CCNH: variants seen among roughly 807,000 people sequenced by gnomAD.
CCNH encodes cyclin H.
CCNH carries 31 observed loss-of-function variants against 41.9 expected under a neutral mutation model. That is an observed-to-expected ratio of 0.74 (90% CI 0.56 to 1.00). CCNH has a LOEUF of 1.00. CCNH is among the 50% of genes least tolerant of loss of function. CCNH has a pLI of 0.00. For missense variants in CCNH, 362 were observed against 388.4 expected (o/e 0.93, Z 0.57); for synonymous variants, 138 against 136.1 (o/e 1.01, Z -0.10).
At chr5:87,317,977 T>C (rs1010435180), downstream of CCNH, among the ~76,000 whole-genome samples, 2 of 152,166 alleles carry the variant, frequency 1.3e-5, no homozygotes, top group Middle Eastern at 3.2e-3. Context: ...CCATTTTTTT[T>C]AGAGCTTTGC....
At chr5:87,405,660 A>G (rs1763735665) in intron 4 of CCNH, among the ~76,000 whole-genome samples, 1 of 151,860 alleles carries the variant, frequency 6.6e-6, no homozygotes, top group Non-Finnish European at 1.5e-5. Context: ...TCTGACCACA[A>G]TGCCTCCCTT....
chr5:87,336,222 T>C (rs143499071), intron 9 of CCNH, among the ~76,000 whole-genome samples: 1,777 of 152,298 alleles, frequency 0.012, 20 homozygotes, highest in Non-Finnish European at 0.014. Flanking sequence ...TTTCATATTT[T>C]TAATGAGCTA....
chr5:87,350,534 CTT>C (rs1208555208), intron 9 of CCNH, among the ~76,000 whole-genome samples: 1 of 151,568 alleles, frequency 6.6e-6, no homozygotes, highest in African/African-American at 2.4e-5. Flanking sequence ...TTGTTACTAA[CTT>C]AAACTTCCTT....
intron 8 of CCNH, 119 bp downstream of exon 8, chr5:87,394,925 A>G: frequency 1.9e-6 from 3 of 1,546,888 alleles, no homozygotes; most frequent in Non-Finnish European, 1.7e-6. Flanking sequence ...GTATGCAAAA[A>G]ATGAAAAAAC....
At chr5:87,393,141 C>A (rs191306875), downstream of CCNH, among the ~76,000 whole-genome samples, 875 of 151,432 alleles carry the variant, frequency 5.8e-3, 7 homozygotes, top group South Asian at 7.5e-3. Flanking sequence ...GATGAATATG[C>A]ATATAGTAAG....
intron 9 of CCNH, among the ~76,000 whole-genome samples, chr5:87,364,068 A>G (rs1347599193): frequency 2.6e-5 from 4 of 152,114 alleles, no homozygotes; most frequent in Non-Finnish European, 4.4e-5. Flanking sequence ...CTCAAGAACA[A>G]TGGCCTTTAC....
In CCNH at chr5:87,341,271, C is replaced by T. The variant is rs770592409; in HGVS notation, c.*91-22374G>A. 15 of 1,302,328 alleles carry T rather than the reference C, an allele frequency of 1.2e-5. No individual in the cohort carries two copies. Among genetic ancestry groups the T allele is most frequent in the Admixed American group, 3.7e-5 (1 of 27,192 alleles). The allele number at this position is 1,302,328 out of a possible 1,614,324, so 80.7% of individuals were successfully genotyped here. A position where few individuals can be genotyped will look rare whatever the true frequency, so the allele number is the denominator to read the frequency against. On this transcript the variant is annotated intron_variant and NMD_transcript_variant, in intron 9 of 9. Coordinates refer to the CCNH transcript ENST00000645953. ...AATAGTTAATTATATAAAATACTGT[C>T]TTAATGTCTTCCCTTTAGGGCCGGG... is the stretch of plus-strand genomic sequence containing the variant.
chr5:87,401,298 G>A (rs1213219681), intron 6 of CCNH, among the ~76,000 whole-genome samples: 1 of 152,162 alleles, frequency 6.6e-6, no homozygotes, highest in Admixed American at 6.5e-5. Context: ...CTCTGAGTGT[G>A]TCAAATCTCC....
At chr5:87,397,795 T>C (rs1157013203) in intron 7 of CCNH, among the ~76,000 whole-genome samples, 1 of 152,192 alleles carries the variant, frequency 6.6e-6, no homozygotes, top group Non-Finnish European at 1.5e-5. Context: ...AATCCAGGGG[T>C]GGATAAACTT....
At chr5:87,319,630 G>A (rs370443659) in intron 9 of CCNH, among the ~76,000 whole-genome samples, 7 of 152,156 alleles carry the variant, frequency 4.6e-5, no homozygotes, top group African/African-American at 1.7e-4. Flanking sequence ...CAAGGATGCA[G>A]TTAGCAGCAG....
upstream of CCNH, chr5:87,377,203 T>C: frequency 1.1e-6 from 1 of 870,838 alleles, no homozygotes; most frequent in Admixed American, 2.1e-5. Flanking sequence ...TCAGTTCTGA[T>C]TATGTTGGTT....
chr5:87,346,732 C>T, intron 9 of CCNH: 1 of 1,529,646 alleles, frequency 6.5e-7, no homozygotes, highest in South Asian at 1.1e-5. Context: ...CAGGTACTTA[C>T]ATATTTACTT....
chr5:87,347,752 T>TA (rs1421983391), intron 9 of CCNH, among the ~76,000 whole-genome samples: 2 of 151,972 alleles, frequency 1.3e-5, no homozygotes, highest in Non-Finnish European at 2.9e-5. Context: ...TATATGATAG[T>TA]AATAGAGAAG....
downstream of CCNH, chr5:87,389,622 GTTACA>G (rs1762332981): frequency 4.0e-6 from 6 of 1,507,218 alleles, no homozygotes; most frequent in African/African-American, 1.4e-5. Flanking sequence ...TTTTTATCTT[GTTACA>G]TTAAATTTTT....
downstream of CCNH, among the ~76,000 whole-genome samples, chr5:87,389,058 A>G (rs1034291620): frequency 4.6e-5 from 7 of 152,308 alleles, no homozygotes; most frequent in South Asian, 1.4e-3. Context: ...ACTGAATATT[A>G]TATTTCAATA....
intron 9 of CCNH, among the ~76,000 whole-genome samples, chr5:87,326,985 A>C (rs1757277162): frequency 6.6e-6 from 1 of 152,236 alleles, no homozygotes; most frequent in Non-Finnish European, 1.5e-5. Context: ...ATTTTGCAAC[A>C]GTCATAAAAT....
intron 9 of CCNH, among the ~76,000 whole-genome samples, chr5:87,344,318 A>T (rs1474887687): frequency 6.6e-6 from 1 of 152,130 alleles, no homozygotes; most frequent in Admixed American, 6.6e-5. Flanking sequence ...TAAACAAAAT[A>T]GTTGTATACA....
At chr5:87,398,023 C>T (rs1470612154) in intron 7 of CCNH, among the ~76,000 whole-genome samples, 1 of 152,184 alleles carries the variant, frequency 6.6e-6, no homozygotes, top group African/African-American at 2.4e-5. Flanking sequence ...AATCCCATTT[C>T]AAAATCAATG....
At chr5:87,365,752 A>G (rs1477399838) in intron 9 of CCNH, among the ~76,000 whole-genome samples, 1 of 152,136 alleles carries the variant, frequency 6.6e-6, no homozygotes, top group Non-Finnish European at 1.5e-5. Context: ...AAAGAAATAC[A>G]TTTAATTGCT....
Sources: allele counts gnomAD v4.1 joint callset (sites outside exome capture counted in the v4.1 genomes callset), GRCh38; gene constraint gnomAD v4.1.1; transcripts MANE v1.5; gene names NCBI Gene and HGNC (gene_info 2026-07-23, HGNC 2026-07-21).